The following DMXL2 variants were observed in gnomAD, a reference collection of about 807,000 sequenced individuals.
The protein encoded by DMXL2 is dmX-like protein 2.
A neutral mutation model predicts 331.1 loss-of-function variants in DMXL2; 103 were observed. The ratio of observed to expected loss-of-function variants is 0.31; its 90% CI spans 0.27 to 0.37. The LOEUF (loss-of-function observed/expected upper bound fraction) is 0.37. DMXL2 is among the 10% of genes least tolerant of loss of function. The probability of loss-of-function intolerance (pLI) is 1.00; values close to 1 mark genes in which losing one functional copy is unlikely to be tolerated. For synonymous variants in DMXL2, 1,281 were observed against 1,252.1 expected (o/e 1.02, Z -0.49); for missense variants, 3,171 against 3,642.9 (o/e 0.87, Z 3.33).
rs548076312 is a variant in DMXL2, at chr15:51,612,428, A to G, written c.87+10031T>C. ...CAATATTTCATATAGGTTATTTTCTATTTTCCCTAAGTGTCGGCCAGTCTG... is the reference window on the plus strand; with the variant it reads ...CAATATTTCATATAGGTTATTTTCTGTTTTCCCTAAGTGTCGGCCAGTCTG... On this transcript the variant is annotated intron_variant, in intron 1 of 43. Coordinates refer to ENST00000560891, the MANE Select transcript of DMXL2 (RefSeq NM_001378457.1). Among the ~76,000 whole-genome samples, 26 of 152,238 alleles carry G rather than the reference A, an allele frequency of 1.7e-4. No individual in the cohort carries two copies. In the East Asian group the frequency reaches 4.4e-3, roughly 26 times the overall value.
At chr15:51,466,135 C>CA in intron 30 of DMXL2, 49 bp downstream of exon 30, 4 of 1,293,234 alleles carry the variant, frequency 3.1e-6, no homozygotes, top group South Asian at 3.1e-5. Context: ...ATATTTTCTA[C>CA]AAAAAGAAAA....
chr15:51,503,638 C>A (rs147588792), intron 16 of DMXL2, among the ~76,000 whole-genome samples: 5 of 152,138 alleles, frequency 3.3e-5, no homozygotes, highest in South Asian at 2.1e-4. Context: ...GAAATAAGTT[C>A]TATTGTTTGA....
chr15:51,506,203 T>C (rs1178528547), intron 16 of DMXL2, among the ~76,000 whole-genome samples: 2 of 151,802 alleles, frequency 1.3e-5, no homozygotes, highest in Non-Finnish European at 1.5e-5. Context: ...CTCCCAAGTA[T>C]AGGTACATGC....
chr15:51,576,293 G>C, intron 1 of DMXL2, 112 bp from the exon 2 acceptor site: 2 of 792,276 alleles, frequency 2.5e-6, no homozygotes, highest in South Asian at 3.2e-5. Flanking sequence ...GTATACCTTG[G>C]GACATTTTAC....
intron 13 of DMXL2, among the ~76,000 whole-genome samples, chr15:51,529,784 CCAAA>C (rs1456678997): frequency 2.0e-5 from 3 of 152,022 alleles, no homozygotes; most frequent in African/African-American, 4.8e-5. Context: ...GACACCAAAA[CCAAA>C]CAAAGACACA....
At chr15:51,514,967 T>G (rs959456017) in intron 14 of DMXL2, among the ~76,000 whole-genome samples, 1 of 152,126 alleles carries the variant, frequency 6.6e-6, no homozygotes, top group Non-Finnish European at 1.5e-5. Flanking sequence ...ACTAGACTAC[T>G]ACACAACTTG....
rs751916951 is a variant in DMXL2, at chr15:51,499,041, G to T, written c.4183C>A (p.Leu1395Ile). The T allele has an allele frequency of 6.2e-7, 1 of 1,613,834 alleles. No homozygotes were observed. Among genetic ancestry groups the T allele is most frequent in the African/African-American group, 1.3e-5 (1 of 74,938 alleles). The change falls in exon 18 of 44, where the codon CTC becomes ATC. Residue 1395 changes from leucine (L) to isoleucine (I), a missense_variant. Transcript: ENST00000560891. ...CCACTTACACTAATAGTTCGAGAGA[G>T]ATGTCGCTTAGTTCCTTCTCCAGCA... ...PDAGEGTKRH[L>I]SRTISVSGST...
intron 1 of DMXL2, among the ~76,000 whole-genome samples, chr15:51,593,640 T>A (rs1887057975): frequency 6.6e-6 from 1 of 152,110 alleles, no homozygotes; most frequent in Admixed American, 6.5e-5. Context: ...CCGCACTTAT[T>A]CCAAAATTGA....
intron 1 of DMXL2, among the ~76,000 whole-genome samples, chr15:51,583,396 G>A (rs1249205478): frequency 5.4e-5 from 4 of 74,434 alleles, no homozygotes; most frequent in African/African-American, 1.5e-4. Flanking sequence ...TTGTTCTTGC[G>A]ATAGTTTACT....
chr15:51,503,357 T>A (rs529671293), intron 16 of DMXL2, among the ~76,000 whole-genome samples: 2 of 152,146 alleles, frequency 1.3e-5, no homozygotes, highest in African/African-American at 4.8e-5. Context: ...AAAGAAAATG[T>A]CATATATATA....
At chr15:51,550,701 T>G (rs2049162053) in intron 6 of DMXL2, among the ~76,000 whole-genome samples, 1 of 152,248 alleles carries the variant, frequency 6.6e-6, no homozygotes, top group South Asian at 2.1e-4. Flanking sequence ...ATACAAACTT[T>G]ATGAACATAA....
intron 15 of DMXL2, 53 bp downstream of exon 15, chr15:51,514,389 A>T: frequency 9.5e-7 from 1 of 1,050,818 alleles, no homozygotes; most frequent in Non-Finnish European, 1.4e-6. Flanking sequence ...GAAAACTTAG[A>T]GATCATTTTT....
At chr15:51,450,547 C>T in intron 42 of DMXL2, 2 of 576,258 alleles carry the variant, frequency 3.5e-6, no homozygotes, top group Non-Finnish European at 6.1e-6. Context: ...ACTTTTTATC[C>T]ATAATCTCAA....
chr15:51,500,657 T>C (rs2043525011), intron 17 of DMXL2, among the ~76,000 whole-genome samples: 1 of 152,222 alleles, frequency 6.6e-6, no homozygotes, highest in Admixed American at 6.5e-5. Flanking sequence ...ACAATTTGCC[T>C]TTCAAATGCC....
At chr15:51,589,296 G>A (rs2052108075) in intron 1 of DMXL2, among the ~76,000 whole-genome samples, 1 of 152,216 alleles carries the variant, frequency 6.6e-6, no homozygotes, top group Admixed American at 6.5e-5. Context: ...GATGCCCAAA[G>A]ACAAGAAAGA....
chr15:51,563,392 T>A lies in DMXL2; in HGVS notation c.556A>T (p.Thr186Ser), dbSNP rs775711307. Residue 186 changes from threonine (T) to serine (S), a missense_variant, in exon 6 of 44, where the codon ACT (threonine) becomes TCT (serine). By Grantham distance (58) the Thr-to-Ser change is moderately conservative. Transcript: ENST00000560891. ...GTTTGATCCTTTACCTTTCCAGCAG[T>A]AGCAAAATATTCACCATCAGGAGAC... The part of the protein sequence containing the change: ...EWSPDGEYFA[T>S]AGKDDCLLKV... 2 of 1,606,920 alleles carry A rather than the reference T, an allele frequency of 1.2e-6. No homozygotes were observed. Among genetic ancestry groups the A allele is most frequent in the Non-Finnish European group, 1.7e-6 (2 of 1,176,456 alleles).
chr15:51,573,241 TTGG>T (rs1425558941), intron 2 of DMXL2, among the ~76,000 whole-genome samples: 1 of 152,222 alleles, frequency 6.6e-6, no homozygotes, highest in African/African-American at 2.4e-5. Context: ...TTTTACACTG[TTGG>T]TGGGAGTGTA....
At chr15:51,489,167 A>G (rs977815346) in intron 20 of DMXL2, among the ~76,000 whole-genome samples, 4 of 152,230 alleles carry the variant, frequency 2.6e-5, no homozygotes, top group African/African-American at 9.6e-5. Context: ...TGTCTTAAAC[A>G]TAAGAGCATA....
Position 51,538,385 on chromosome 15 carries a change from A to G in DMXL2, c.1173T>C (p.His391=). The stretch of plus-strand genomic sequence containing the variant: ...AATGAAATTCCTTGTTGTTTAACCA[A>G]TGAACTACAAAGCCCCCATTTCCAT... The part of the protein sequence containing the change: ...VDDGNGGFVV[H]WLNNKEFHFT... Residue 391 remains histidine, a synonymous_variant, in exon 10 of 44, where the codon CAT becomes CAC. Transcript: ENST00000560891. 2 of 1,613,056 alleles carry G rather than the reference A, an allele frequency of 1.2e-6. No homozygotes were observed. The highest frequency in any genetic ancestry group is 1.7e-6 in the Non-Finnish European group (2 of 1,179,092).
Sources: allele counts gnomAD v4.1 joint callset (sites outside exome capture counted in the v4.1 genomes callset), GRCh38; gene constraint gnomAD v4.1.1; transcripts MANE v1.5; gene names NCBI Gene and HGNC (gene_info 2026-07-23, HGNC 2026-07-21).